The following TXNDC17 variants were observed in gnomAD, a reference collection of about 807,000 sequenced individuals.
TXNDC17 encodes the protein thioredoxin domain containing 17, also known as thioredoxin domain-containing protein 17.
TXNDC17 carries 12 observed loss-of-function variants against 16.3 expected under a neutral mutation model. The ratio of observed to expected loss-of-function variants is 0.74; its 90% CI spans 0.47 to 1.19. The LOEUF (loss-of-function observed/expected upper bound fraction) is 1.19, where lower values mean the gene tolerates loss of function less well. Ranked by LOEUF, TXNDC17 falls within the 50% of genes most tolerant of loss-of-function variation. TXNDC17 has a pLI of 0.00. For missense variants in TXNDC17, 158 were observed against 149.7 expected, an observed-to-expected ratio of 1.06 and a Z score of -0.29; for synonymous variants, 62 against 55.0, an observed-to-expected ratio of 1.13 and a Z score of -0.56.
chr17:6,644,114 A>G lies in TXNDC17; in HGVS notation c.*1095A>G, dbSNP rs1597631311. ...CCAGGAGATGGTCTTGCCCTACTATATGTCAGGAACAGCTAGCCTTAGAAT... is the reference window on the plus strand; with the variant it reads ...CCAGGAGATGGTCTTGCCCTACTATGTGTCAGGAACAGCTAGCCTTAGAAT... On this transcript the variant is annotated 3_prime_UTR_variant, in exon 4 of 4. Transcript: ENST00000250101. The G allele has an allele frequency of 4.8e-6, 2 of 415,772 alleles. No homozygotes were observed. Among genetic ancestry groups the G allele is most frequent in the Admixed American group, 4.0e-5 (1 of 24,928 alleles). The allele number at this position is 415,772 out of a possible 1,614,324, so 25.8% of individuals were successfully genotyped here.
chr17:6,641,088 C>T lies in TXNDC17; in HGVS notation c.6C>T (p.Ala2=), dbSNP rs776050272. M[A]RYEEVSVSGF... ...AGCGGCTGCACGTCGTGCCAATGGC[C>T]CGCTATGAGGAGGTGAGCGTGTCCG... Residue 2 remains alanine (A), a synonymous_variant, in exon 1 of 4, where the codon GCC becomes GCT. Transcript: ENST00000250101. The T allele has an allele frequency of 2.5e-6, 4 of 1,612,802 alleles. No individual in the cohort carries two copies. Among genetic ancestry groups the T allele is most frequent in the African/African-American group, 1.3e-5 (1 of 74,926 alleles).
Position 6,641,151 on chromosome 17 carries a change from T to A in TXNDC17, c.69T>A (p.Asn23Lys). 1.2e-6 allele frequency: 2 copies of A among 1,613,810 alleles called. No individual in the cohort carries two copies. The highest frequency in any genetic ancestry group is 2.2e-5 in the South Asian group (2 of 91,082). ...TCCACCGGGCCGTGGAACAGCACAA[T>A]GGCAAGACCATTTTCGCCTACTTTA... ...EEFHRAVEQH[N>K]GKTIFAYFTG... Residue 23 changes from asparagine to lysine, a missense_variant, in exon 1 of 4, where the codon AAT becomes AAA. Physicochemically the swap from Asn to Lys is moderately conservative, Grantham distance 94. Coordinates refer to ENST00000250101, the MANE Select transcript of TXNDC17 (RefSeq NM_032731.4).
At chr17:6,642,916 G>C (rs772966339) in intron 3 of TXNDC17, 35 bp from the exon 4 acceptor site, 3 of 1,516,716 alleles carry the variant, frequency 2.0e-6, no homozygotes, top group Non-Finnish European at 2.7e-6. Context: ...ACGTTTTATA[G>C]AAGTAGTGAA....
In TXNDC17 at chr17:6,644,203, A is replaced by C; in HGVS notation, c.*1184A>C. The C allele has an allele frequency of 2.1e-6, 1 of 481,158 alleles. No homozygotes were observed. Among genetic ancestry groups the C allele is most frequent in the Non-Finnish European group, 3.6e-6 (1 of 280,302 alleles). 29.8% of individuals were successfully genotyped at this position (481,158 alleles called of 1,614,324 possible). ...GTGCCTTATTTGGTCTAAAGCACCT[A>C]ACTTTTCCATTCTTAATCAGCTGAT... On this transcript the variant is annotated 3_prime_UTR_variant, in exon 4 of 4. Coordinates refer to ENST00000250101, the MANE Select transcript of TXNDC17 (RefSeq NM_032731.4).
chr17:6,641,967 T>G, intron 2 of TXNDC17, 133 bp downstream of exon 2: 3 of 860,472 alleles, frequency 3.5e-6, no homozygotes, highest in Non-Finnish European at 5.6e-6. Flanking sequence ...TAGAAGCTAT[T>G]AAATACAAAT....
chr17:6,642,644 A>G, intron 3 of TXNDC17: 1 of 456,612 alleles, frequency 2.2e-6, no homozygotes, highest in Non-Finnish European at 3.9e-6. Context: ...CTTCTAGTTC[A>G]GTCATGCCCC....
At position 6,642,296 on chromosome 17, in the gene TXNDC17, C is replaced by T. The variant is rs950909599; in HGVS notation, c.275C>T (p.Ala92Val). Residue 92 changes from alanine to valine, a missense_variant, in exon 3 of 4, where the codon GCA becomes GTA. Ala to Val is a moderately conservative substitution (Grantham distance 64). Coordinates refer to ENST00000250101, the MANE Select transcript of TXNDC17 (RefSeq NM_032731.4). ...NDFRKNLKVT[A>V]VPTLLKYGTP... Reference sequence around the variant, plus strand: ...TTCAGAAAAAACTTGAAAGTAACAGCAGTGCCTACACTACTTAAGTATGGA... The same window carrying T: ...TTCAGAAAAAACTTGAAAGTAACAGTAGTGCCTACACTACTTAAGTATGGA... 6.2e-7 allele frequency: 1 copy of T among 1,610,674 alleles called. No homozygotes were observed. The highest frequency in any genetic ancestry group is 1.7e-5 in the Admixed American group (1 of 59,664).
At position 6,643,061 on chromosome 17, in the gene TXNDC17, C is replaced by A; in HGVS notation, c.*42C>A. The A allele has an allele frequency of 6.6e-7, 1 of 1,525,706 alleles. No individual in the cohort carries two copies. Among genetic ancestry groups the A allele is most frequent in the South Asian group, 1.1e-5 (1 of 88,822 alleles). The allele number at this position is 1,525,706 out of a possible 1,614,324, so 94.5% of individuals were successfully genotyped here. ...TCATGTCTTGATGTCCTGATTTGTT[C>A]TAGTATCAATAAACTGTATACTTGC... On this transcript the variant is annotated 3_prime_UTR_variant, in exon 4 of 4. Transcript: ENST00000250101.
At chr17:6,641,674 G>A (rs1972672351) in intron 1 of TXNDC17, 79 bp from the exon 2 acceptor site, 2 of 1,378,198 alleles carry the variant, frequency 1.5e-6, no homozygotes, top group African/African-American at 1.4e-5. Context: ...AAGACTGGGG[G>A]AAGGGGGAAA....
At position 6,643,065 on chromosome 17, in the gene TXNDC17, T is replaced by G. The variant is rs1376845360; in HGVS notation, c.*46T>G. On this transcript the variant is annotated 3_prime_UTR_variant, in exon 4 of 4. Transcript: ENST00000250101. ...GTCTTGATGTCCTGATTTGTTCTAG[T>G]ATCAATAAACTGTATACTTGCTTTG... The G allele has an allele frequency of 6.6e-7, 1 of 1,516,162 alleles. No individual in the cohort carries two copies. Among genetic ancestry groups the G allele is most frequent in the Non-Finnish European group, 9.2e-7 (1 of 1,091,836 alleles). The allele number at this position is 1,516,162 out of a possible 1,614,324, so 93.9% of individuals were successfully genotyped here.
chr17:6,642,603 T>A (rs1022066152), intron 3 of TXNDC17: 3 of 445,732 alleles, frequency 6.7e-6, no homozygotes, highest in Non-Finnish European at 1.2e-5. Context: ...TCTGTTTAAT[T>A]CATAATTCTG....
rs550061023 is a variant in TXNDC17, at chr17:6,643,810, A to C, written c.*791A>C. ...TCAATGGTAGCTTTCCCAAATGAAC[A>C]CAAGTATTTGAGGCTCCTCATGTTT... On this transcript the variant is annotated 3_prime_UTR_variant, in exon 4 of 4. Transcript: ENST00000250101. The C allele has an allele frequency of 1.8e-4, 53 of 290,142 alleles. No homozygotes were observed. The highest frequency in any genetic ancestry group is 2.9e-4 in the Non-Finnish European group (46 of 157,702). The allele number at this position is 290,142 out of a possible 1,614,324, so 18.0% of individuals were successfully genotyped here.
At chr17:6,642,722 T>C in intron 3 of TXNDC17, 1 of 542,332 alleles carries the variant, frequency 1.8e-6, no homozygotes, top group Admixed American at 3.4e-5. Flanking sequence ...TGTTTTAGTC[T>C]GTGGAGCTTC....
Position 6,644,046 on chromosome 17 carries a change from TTAGAG to T in TXNDC17, c.*1034_*1038del, listed in dbSNP as rs1343382723. Reference sequence around the variant, plus strand: ...GTGACTCCGCTACTCTCACTACATCTTAGAGTAGAGTGGTAGAGTAGTTGATCTGA... The same window carrying T: ...GTGACTCCGCTACTCTCACTACATCTTAGAGTGGTAGAGTAGTTGATCTGA... On this transcript the variant is annotated 3_prime_UTR_variant, in exon 4 of 4. Coordinates refer to ENST00000250101, the MANE Select transcript of TXNDC17 (RefSeq NM_032731.4). 8.2e-5 allele frequency: 33 copies of T among 402,854 alleles called. No individual in the cohort carries two copies. Among genetic ancestry groups the T allele is most frequent in the African/African-American group, 4.1e-4 (20 of 48,646 alleles). 25.0% of individuals were successfully genotyped at this position (402,854 alleles called of 1,614,324 possible). A position where few individuals can be genotyped will look rare whatever the true frequency, so the allele number is the denominator to read the frequency against.
Position 6,644,240 on chromosome 17 carries a change from C to A in TXNDC17, c.*1221C>A. 1 of 536,300 alleles carries A rather than the reference C, an allele frequency of 1.9e-6. No individual in the cohort carries two copies. The highest frequency in any genetic ancestry group is 3.1e-6 in the Non-Finnish European group (1 of 326,274). The allele number at this position is 536,300 out of a possible 1,614,324, so 33.2% of individuals were successfully genotyped here. A position where few individuals can be genotyped will look rare whatever the true frequency, so the allele number is the denominator to read the frequency against. ...CTTAATCAGCTGATTATGCTAAATGCGTAAAAAAGAAAAACACCTTACAAA... is the reference window on the plus strand; with the variant it reads ...CTTAATCAGCTGATTATGCTAAATGAGTAAAAAAGAAAAACACCTTACAAA... On this transcript the variant is annotated 3_prime_UTR_variant, in exon 4 of 4. Coordinates refer to ENST00000250101, the MANE Select transcript of TXNDC17 (RefSeq NM_032731.4).
Position 6,642,908 on chromosome 17 carries a change from G to A in TXNDC17, c.304-43G>A, listed in dbSNP as rs776231353. On this transcript the variant is annotated intron_variant, in intron 3 of 3. Coordinates refer to ENST00000250101, the MANE Select transcript of TXNDC17 (RefSeq NM_032731.4). ...CAGAACTCATTCCACTCCTAATAAC[G>A]TTTTATAGAAGTAGTGAAGATTTGA... 163 of 1,474,324 alleles carry A rather than the reference G, an allele frequency of 1.1e-4. No individual in the cohort carries two copies. In the East Asian group the frequency reaches 1.7e-3, roughly 15 times the overall value. 91.3% of individuals were successfully genotyped at this position (1,474,324 alleles called of 1,614,324 possible).
rs547537271 is a variant in TXNDC17 at position 6,642,817 on chromosome 17, G to A, written c.304-134G>A. On this transcript the variant is annotated intron_variant, in intron 3 of 3. Coordinates refer to ENST00000250101, the MANE Select transcript of TXNDC17 (RefSeq NM_032731.4). ...ATATATTGATTCTTTCATAAAACTTGTTATAACTAGATGATAGTTTCTGAA... is the reference window on the plus strand; with the variant it reads ...ATATATTGATTCTTTCATAAAACTTATTATAACTAGATGATAGTTTCTGAA... 1.4e-4 allele frequency: 93 copies of A among 668,912 alleles called. 1 individual carries two copies. In the South Asian group the frequency reaches 1.5e-3, roughly 11 times the overall value. The allele number at this position is 668,912 out of a possible 1,614,324, so 41.4% of individuals were successfully genotyped here.
At chr17:6,642,470 A>G (rs1273655828) in intron 3 of TXNDC17, 146 bp downstream of exon 3, 5 of 586,770 alleles carry the variant, frequency 8.5e-6, no homozygotes, top group African/African-American at 5.7e-5. Flanking sequence ...CCTATGGCCA[A>G]TCCCAATAAA....
rs1049653314 is a variant in TXNDC17 at position 6,644,215 on chromosome 17, C to T, written c.*1196C>T. Reference sequence around the variant, plus strand: ...GTCTAAAGCACCTAACTTTTCCATTCTTAATCAGCTGATTATGCTAAATGC... The same window carrying T: ...GTCTAAAGCACCTAACTTTTCCATTTTTAATCAGCTGATTATGCTAAATGC... On this transcript the variant is annotated 3_prime_UTR_variant, in exon 4 of 4. Coordinates refer to ENST00000250101, the MANE Select transcript of TXNDC17 (RefSeq NM_032731.4). The T allele has an allele frequency of 6.0e-6, 3 of 496,464 alleles. No individual in the cohort carries two copies. Among genetic ancestry groups the T allele is most frequent in the Non-Finnish European group, 1.0e-5 (3 of 293,312 alleles). 30.8% of individuals were successfully genotyped at this position (496,464 alleles called of 1,614,324 possible).
Sources: gnomAD v4.1 joint callset for allele counts on GRCh38, gnomAD v4.1.1 for gene constraint, MANE v1.5 for transcripts, NCBI Gene and HGNC (gene_info 2026-07-23, HGNC 2026-07-21) for gene names.